The following DAAM2 variants were observed in gnomAD, a reference collection of about 807,000 sequenced individuals.
The protein encoded by DAAM2 is disheveled-associated activator of morphogenesis 2.
A neutral mutation model predicts 120.7 loss-of-function variants in DAAM2; 39 were observed. The observed-to-expected ratio is 0.32, with a 90% CI of 0.25 to 0.42. The LOEUF (loss-of-function observed/expected upper bound fraction) is 0.42, where lower values mean the gene tolerates loss of function less well. Ranked by LOEUF, DAAM2 falls within the 10% of genes least tolerant of loss-of-function variation. The pLI is 1.00. For missense variants in DAAM2, 1,283 were observed against 1,401.7 expected (o/e 0.92, Z 1.35); for synonymous variants, 488 against 524.9 (o/e 0.93, Z 0.96).
chr6:39,819,477 CACTT>C (rs1422509544), intron 1 of DAAM2: 9 of 152,184 alleles, frequency 5.9e-5, no homozygotes, highest in Admixed American at 2.0e-4. Context: ...CAAAACTAAA[CACTT>C]ATGACACACT....
intron 2 of DAAM2, among the ~76,000 whole-genome samples, chr6:39,856,716 A>G (rs1024690572): frequency 3.3e-5 from 5 of 152,212 alleles, no homozygotes; most frequent in Admixed American, 2.0e-4. Flanking sequence ...TGTAGACCAC[A>G]TGGTGCAGTA....
At chr6:39,897,031 C>T (rs1766144516) in intron 20 of DAAM2, 51 bp downstream of exon 20, 11 of 1,571,098 alleles carry the variant, frequency 7.0e-6, no homozygotes, top group Non-Finnish European at 9.5e-6. Flanking sequence ...TCACCCTACC[C>T]TGGCCTCTCA....
intron 3 of DAAM2, 143 bp from the exon 4 acceptor site, chr6:39,864,290 G>GAAAT: frequency 3.2e-6 from 2 of 621,864 alleles, no homozygotes; most frequent in Non-Finnish European, 5.7e-6. Flanking sequence ...GGAAGCCTGG[G>GAAAT]GGAGAGTGTA....
chr6:39,872,772 G>A (rs889037879), intron 9 of DAAM2, among the ~76,000 whole-genome samples: 8 of 152,070 alleles, frequency 5.3e-5, no homozygotes, highest in African/African-American at 1.9e-4. Flanking sequence ...GAACCCAGGT[G>A]GTGGACCTGC....
intron 1 of DAAM2, among the ~76,000 whole-genome samples, chr6:39,797,367 G>A (rs1299688414): frequency 3.9e-5 from 6 of 152,168 alleles, no homozygotes; most frequent in Non-Finnish European, 8.8e-5. Context: ...AAGGTACATT[G>A]TCTCATTTAA....
intron 1 of DAAM2, among the ~76,000 whole-genome samples, chr6:39,813,121 G>A (rs926732383): frequency 1.3e-5 from 2 of 152,052 alleles, no homozygotes; most frequent in African/African-American, 4.8e-5. Flanking sequence ...TTTTCCTCTG[G>A]AGAGAGAAGG....
intron 1 of DAAM2, among the ~76,000 whole-genome samples, chr6:39,845,404 C>A (rs1026879581): frequency 8.2e-4 from 3 of 3,666 alleles, no homozygotes; most frequent in African/African-American, 1.6e-3. Context: ...CATACACATT[C>A]CCTACCTACA....
chr6:39,859,142 TTACC>T (rs1764117497), intron 2 of DAAM2, among the ~76,000 whole-genome samples: 1 of 152,252 alleles, frequency 6.6e-6, no homozygotes, highest in East Asian at 1.9e-4. Flanking sequence ...GAGATTCTTC[TTACC>T]TGGGAAGGTC....
At chr6:39,848,397 T>C (rs1461789362) in intron 1 of DAAM2, among the ~76,000 whole-genome samples, 1 of 152,200 alleles carries the variant, frequency 6.6e-6, no homozygotes, top group Non-Finnish European at 1.5e-5. Flanking sequence ...GCTTGTTTAG[T>C]GCCCTAGTGA....
chr6:39,839,576 A>G (rs189417457), intron 1 of DAAM2, among the ~76,000 whole-genome samples: 42 of 152,350 alleles, frequency 2.8e-4, no homozygotes, highest in Non-Finnish European at 4.9e-4. Flanking sequence ...AAGGGTGCAG[A>G]TGGAGTCCAG....
Position 39,861,036 on chromosome 6 carries a change from C to G in DAAM2, c.258+19C>G. Reference sequence around the variant, plus strand: ...GAAGAAGGTGCCCTCTCTGACCCCTCTGGCCACATCTCAGGGTTCATGGCA... The same window carrying G: ...GAAGAAGGTGCCCTCTCTGACCCCTGTGGCCACATCTCAGGGTTCATGGCA... On this transcript the variant is annotated intron_variant, in intron 3 of 24. Coordinates refer to ENST00000274867, the MANE Select transcript of DAAM2 (RefSeq NM_001201427.2). The G allele has an allele frequency of 6.3e-7, 1 of 1,587,058 alleles. No individual in the cohort carries two copies.
intron 19 of DAAM2, among the ~76,000 whole-genome samples, chr6:39,896,296 G>A (rs1350895574): frequency 1.3e-5 from 2 of 151,984 alleles, no homozygotes; most frequent in Admixed American, 6.6e-5. Context: ...TCAGCCTCCT[G>A]GGTTCAAGGG....
At chr6:39,887,354 C>T (rs1204519255) in intron 15 of DAAM2, 132 bp from the exon 16 acceptor site, 4 of 628,270 alleles carry the variant, frequency 6.4e-6, no homozygotes, top group Non-Finnish European at 1.1e-5. Flanking sequence ...CCTCTCTCTC[C>T]TGTCTTTTTC....
intron 22 of DAAM2, 100 bp downstream of exon 22, chr6:39,899,037 G>GCACAATGGA (rs2149378128): frequency 2.2e-6 from 2 of 922,534 alleles, no homozygotes; most frequent in East Asian, 2.6e-5. Flanking sequence ...AAAACAATGG[G>GCACAATGGA]TACAGCCTCT....
At chr6:39,874,162 T>G (rs1764776819) in intron 10 of DAAM2, among the ~76,000 whole-genome samples, 1 of 152,150 alleles carries the variant, frequency 6.6e-6, no homozygotes, top group Non-Finnish European at 1.5e-5. Context: ...GAATACACAT[T>G]ATTATGTCCA....
chr6:39,814,055 G>T lies in DAAM2; in HGVS notation c.-57+21590G>T, dbSNP rs371999881. On this transcript the variant is annotated intron_variant, in intron 1 of 24. Coordinates refer to ENST00000274867, the MANE Select transcript of DAAM2 (RefSeq NM_001201427.2). ...GGATCTTTTAAATCAAGCTTGTTCA[G>T]CCCGTGGCCCATGGGCTGCATGCGG... Among the ~76,000 whole-genome samples, 14 of 152,324 alleles carry T rather than the reference G, an allele frequency of 9.2e-5. No homozygotes were observed. In the East Asian group the frequency reaches 2.3e-3, roughly 25 times the overall value.
At chr6:39,831,527 A>G (rs940343055) in intron 1 of DAAM2, among the ~76,000 whole-genome samples, 1 of 151,870 alleles carries the variant, frequency 6.6e-6, no homozygotes, top group Non-Finnish European at 1.5e-5. Flanking sequence ...CTTGCCAAAG[A>G]TGACACAGCA....
intron 1 of DAAM2, among the ~76,000 whole-genome samples, chr6:39,830,764 T>A (rs568088724): frequency 1.8e-4 from 27 of 152,270 alleles, no homozygotes; most frequent in Middle Eastern, 6.8e-3. Context: ...GGGTCAAGAC[T>A]GCATCAGGAC....
At chr6:39,816,505 A>G (rs1240723552) in intron 1 of DAAM2, among the ~76,000 whole-genome samples, 1 of 152,212 alleles carries the variant, frequency 6.6e-6, no homozygotes, top group African/African-American at 2.4e-5. Context: ...CGAGAACCAC[A>G]AAACTTCTCC....
Sources: allele counts gnomAD v4.1 joint callset (sites outside exome capture counted in the v4.1 genomes callset), GRCh38; gene constraint gnomAD v4.1.1; transcripts MANE v1.5; gene names NCBI Gene and HGNC (gene_info 2026-07-23, HGNC 2026-07-21).